GRIK2: variants seen among roughly 807,000 people sequenced by gnomAD.
GRIK2 encodes glutamate receptor ionotropic, kainate 2.
GRIK2 carries 32 observed loss-of-function variants against 100.3 expected under a neutral mutation model. That is an observed-to-expected ratio of 0.32 (90% CI 0.24 to 0.43). The LOEUF is 0.43. Among genes scored for constraint, GRIK2 ranks in the 20% least tolerant of loss-of-function variants. The probability of loss-of-function intolerance (pLI) is 1.00; values close to 1 mark genes in which losing one functional copy is unlikely to be tolerated. For synonymous variants in GRIK2, 417 were observed against 389.4 expected, an observed-to-expected ratio of 1.07 and a Z score of -0.83; for missense variants, 843 against 1,114.9, an observed-to-expected ratio of 0.76 and a Z score of 3.47.
In GRIK2 at chr6:101,630,863, T is replaced by C. The variant is rs538995998; in HGVS notation, c.541+4226T>C. On this transcript the variant is annotated intron_variant, in intron 4 of 16. Coordinates refer to ENST00000369134, the MANE Select transcript of GRIK2 (RefSeq NM_021956.5). ...ACACATGTGCTTTTTTTTTTACATATTTCCTTTTTCCTTTCCATATTTATT... is the reference window on the plus strand; with the variant it reads ...ACACATGTGCTTTTTTTTTTACATACTTCCTTTTTCCTTTCCATATTTATT... 1.0e-3 allele frequency among the ~76,000 whole-genome samples: 154 copies of C among 152,182 alleles called. 1 individual carries two copies. Among genetic ancestry groups the C allele is most frequent in the African/African-American group, 3.5e-3 (144 of 41,548 alleles).
intron 15 of GRIK2, among the ~76,000 whole-genome samples, chr6:102,046,540 C>T (rs1014972937): frequency 1.3e-5 from 2 of 152,046 alleles, no homozygotes; most frequent in Admixed American, 6.6e-5. Context: ...TCCTTGCTTC[C>T]CCTTAGTCTT....
At chr6:102,030,901 T>C (rs574436378) in intron 14 of GRIK2, among the ~76,000 whole-genome samples, 1 of 151,200 alleles carries the variant, frequency 6.6e-6, no homozygotes, top group African/African-American at 2.4e-5. Flanking sequence ...ACAGATCCAT[T>C]TGAATGTTCC....
chr6:102,040,344 T>C (rs983999431), intron 15 of GRIK2, among the ~76,000 whole-genome samples: 4 of 151,582 alleles, frequency 2.6e-5, no homozygotes, highest in African/African-American at 9.7e-5. Flanking sequence ...TACAAGCTAA[T>C]GCTTTAAAAC....
chr6:101,499,130 A>G (rs1268247757), intron 2 of GRIK2, among the ~76,000 whole-genome samples: 3 of 152,288 alleles, frequency 2.0e-5, no homozygotes, highest in African/African-American at 7.2e-5. Context: ...TTAATTCAAG[A>G]TGGATTAAAG....
chr6:101,438,910 G>T (rs1263197161), intron 2 of GRIK2, among the ~76,000 whole-genome samples: 1 of 152,034 alleles, frequency 6.6e-6, no homozygotes, highest in Non-Finnish European at 1.5e-5. Flanking sequence ...ATTGATTTTT[G>T]TGCTAATAAT....
intron 2 of GRIK2, among the ~76,000 whole-genome samples, chr6:101,574,316 ATATAT>A (rs1267112609): frequency 2.0e-5 from 3 of 147,546 alleles, no homozygotes; most frequent in East Asian, 3.9e-4. Context: ...TATATATTTA[ATATAT>A]TATGAATATA....
At chr6:101,441,986 AG>A (rs1219163425) in intron 2 of GRIK2, among the ~76,000 whole-genome samples, 2 of 150,800 alleles carry the variant, frequency 1.3e-5, no homozygotes, top group Non-Finnish European at 3.0e-5. Context: ...AGGGGTGAAC[AG>A]GGCAGAATTT....
At chr6:101,415,578 G>A (rs1459420568) in intron 2 of GRIK2, among the ~76,000 whole-genome samples, 1 of 151,808 alleles carries the variant, frequency 6.6e-6, no homozygotes, top group African/African-American at 2.4e-5. Context: ...CACCTTGTTA[G>A]CCAGGATAGT....
intron 7 of GRIK2, among the ~76,000 whole-genome samples, chr6:101,754,777 A>G (rs1405512865): frequency 6.6e-6 from 1 of 152,248 alleles, no homozygotes; most frequent in Non-Finnish European, 1.5e-5. Context: ...AGTGATCCAG[A>G]TAGCAGAAAC....
At chr6:101,588,627 G>A (rs1467752709) in intron 2 of GRIK2, among the ~76,000 whole-genome samples, 1 of 151,478 alleles carries the variant, frequency 6.6e-6, no homozygotes, top group Non-Finnish European at 1.5e-5. Flanking sequence ...CTGCACTCCA[G>A]GCTGGGCAAC....
chr6:102,035,652 A>G (rs1417939068), intron 15 of GRIK2, 86 bp downstream of exon 15: 1 of 722,720 alleles, frequency 1.4e-6, no homozygotes, highest in East Asian at 2.5e-5. Context: ...CACGTATGCC[A>G]TTAGGAATTT....
chr6:101,892,426 G>A (rs1192393756), intron 12 of GRIK2, among the ~76,000 whole-genome samples: 1 of 151,984 alleles, frequency 6.6e-6, no homozygotes, highest in African/African-American at 2.4e-5. Flanking sequence ...ATCATAGACA[G>A]CATCTGTATA....
chr6:101,460,521 G>A (rs755498672), intron 2 of GRIK2, among the ~76,000 whole-genome samples: 3 of 152,204 alleles, frequency 2.0e-5, no homozygotes, highest in Non-Finnish European at 4.4e-5. Context: ...AACAGGAACT[G>A]TTGCAAATTG....
At chr6:101,475,705 A>G in intron 2 of GRIK2, among the ~76,000 whole-genome samples, 1 of 152,118 alleles carries the variant, frequency 6.6e-6, no homozygotes, top group Non-Finnish European at 1.5e-5. Flanking sequence ...TTATGTTTAT[A>G]TATAGTACTA....
At chr6:101,919,187 G>T (rs939889004) in intron 12 of GRIK2, among the ~76,000 whole-genome samples, 1 of 151,724 alleles carries the variant, frequency 6.6e-6, no homozygotes, top group African/African-American at 2.4e-5. Context: ...TACACAAGGG[G>T]AGTTTCATGA....
At chr6:101,636,270 A>T (rs542470508) in intron 4 of GRIK2, among the ~76,000 whole-genome samples, 21 of 152,244 alleles carry the variant, frequency 1.4e-4, no homozygotes, top group African/African-American at 4.6e-4. Context: ...CAAACACCGC[A>T]TGTTCTCAGT....
intron 2 of GRIK2, among the ~76,000 whole-genome samples, chr6:101,561,843 C>T (rs1777034580): frequency 6.6e-6 from 1 of 152,038 alleles, no homozygotes; most frequent in Non-Finnish European, 1.5e-5. Flanking sequence ...ATTTTTGGGT[C>T]ATGTAGTTTC....
chr6:101,426,773 C>A (rs1890277), intron 2 of GRIK2, among the ~76,000 whole-genome samples: 1 of 152,068 alleles, frequency 6.6e-6, no homozygotes, highest in African/African-American at 2.4e-5. Context: ...GATTCCTTCC[C>A]TTTTCTTCCC....
intron 2 of GRIK2, among the ~76,000 whole-genome samples, chr6:101,469,192 A>C (rs1397653478): frequency 2.0e-5 from 3 of 152,190 alleles, no homozygotes; most frequent in African/African-American, 7.2e-5. Flanking sequence ...ATCAGAGCTA[A>C]TATTTTTAGA....
Sources: allele counts gnomAD v4.1 joint callset (sites outside exome capture counted in the v4.1 genomes callset), GRCh38; gene constraint gnomAD v4.1.1; transcripts MANE v1.5; gene names NCBI Gene and HGNC (gene_info 2026-07-23, HGNC 2026-07-21).